The following ZNF471 variants were observed in gnomAD, a reference collection of about 807,000 sequenced individuals.
ZNF471 encodes the protein zinc finger protein 471.
In ZNF471, 7 loss-of-function variants were observed where a neutral mutation model predicts 13.7. The observed-to-expected ratio is 0.51, with a 90% CI of 0.29 to 0.96. ZNF471 has a LOEUF of 0.96. Ranked by LOEUF, ZNF471 falls within the 40% of genes least tolerant of loss-of-function variation. ZNF471 has a pLI of 0.08. For synonymous variants in ZNF471, 218 were observed against 235.6 expected (o/e 0.93, Z 0.68); for missense variants, 663 against 743.3 (o/e 0.89, Z 1.26).
rs1409714134 is a variant in ZNF471, at chr19:56,510,425, ACCT to A, written c.-55-1090_-55-1088del. ...TTATCCAAAAGGCTTTACAAATATAACCTCTGTGAGGTTGTGAAGCATGCATGT... is the reference window on the plus strand; with the variant it reads ...TTATCCAAAAGGCTTTACAAATATAACTGTGAGGTTGTGAAGCATGCATGT... On this transcript the variant is annotated intron_variant, in intron 1 of 4. Transcript: ENST00000308031. This position sits in a 1 kb window ranked among gnomAD's most constrained non-coding sequence, Gnocchi z 4.3. 9.1e-6 allele frequency: 9 copies of A among 985,524 alleles called. No homozygotes were observed. The African/African-American group carries it at 1.4e-4, about 15-fold the overall frequency. 61.0% of individuals were successfully genotyped at this position (985,524 alleles called of 1,614,324 possible).
At chr19:56,518,665 C>G in intron 4 of ZNF471, 88 bp downstream of exon 4, 1 of 1,103,010 alleles carries the variant, frequency 9.1e-7, no homozygotes, top group Non-Finnish European at 1.3e-6. Context: ...TTATGCATCT[C>G]AGAAACTCTT....
In ZNF471 at chr19:56,510,958, G is replaced by T. The variant is rs947282901; in HGVS notation, c.-55-559G>T. On this transcript the variant is annotated intron_variant, in intron 1 of 4. Coordinates refer to ENST00000308031, the MANE Select transcript of ZNF471 (RefSeq NM_020813.4). The surrounding 1 kb of genome is among the most constrained non-coding windows in gnomAD (Gnocchi z 4.3). ...AAAGTGGCAGAATTGAGTGCTAAAGGTTCCATCGTTTCAGGGTGAGGAAAG... is the reference window on the plus strand; with the variant it reads ...AAAGTGGCAGAATTGAGTGCTAAAGTTTCCATCGTTTCAGGGTGAGGAAAG... 1.7e-5 allele frequency: 17 copies of T among 985,478 alleles called. No individual in the cohort carries two copies. Among genetic ancestry groups the T allele is most frequent in the African/African-American group, 3.5e-5 (2 of 57,010 alleles). 61.0% of individuals were successfully genotyped at this position (985,478 alleles called of 1,614,324 possible).
At chr19:56,515,048 G>C (rs1218332256) in intron 2 of ZNF471, among the ~76,000 whole-genome samples, 1 of 151,710 alleles carries the variant, frequency 6.6e-6, no homozygotes, top group Non-Finnish European at 1.5e-5. Context: ...CTATCCATTG[G>C]GATTTACTTC....
rs182131987 is a variant in ZNF471 at position 56,526,019 on chromosome 19, G to A, written c.*71G>A. 5,404 of 1,417,514 alleles carry A rather than the reference G, an allele frequency of 3.8e-3. 13 individuals are homozygous for A. Among genetic ancestry groups the A allele is most frequent in the Non-Finnish European group, 4.7e-3 (5,000 of 1,057,328 alleles). The allele number at this position is 1,417,514 out of a possible 1,614,324, so 87.8% of individuals were successfully genotyped here. A position where few individuals can be genotyped will look rare whatever the true frequency, so the allele number is the denominator to read the frequency against. ...ACTGTTAATCAGAGATGTCCCACTG[G>A]ATAAAAAACATATAAATGTAAGAAA... On this transcript the variant is annotated 3_prime_UTR_variant, in exon 5 of 5. Coordinates refer to ENST00000308031, the MANE Select transcript of ZNF471 (RefSeq NM_020813.4).
rs540474427 is a variant in ZNF471, at chr19:56,508,342, A to T, written c.-56+422A>T. On this transcript the variant is annotated intron_variant, in intron 1 of 4. Coordinates refer to ENST00000308031, the MANE Select transcript of ZNF471 (RefSeq NM_020813.4). The surrounding 1 kb of genome is among the most constrained non-coding windows in gnomAD (Gnocchi z 4.7). Reference sequence around the variant, plus strand: ...TGTGAGAGACCAGTGAGTGTGAGAGAGATAGGGATGTGCCTGCATTTGAAA... The same window carrying T: ...TGTGAGAGACCAGTGAGTGTGAGAGTGATAGGGATGTGCCTGCATTTGAAA... Among the ~76,000 whole-genome samples, 2 of 151,662 alleles carry T rather than the reference A, an allele frequency of 1.3e-5. No homozygotes were observed. Among genetic ancestry groups the T allele is most frequent in the Non-Finnish European group, 2.9e-5 (2 of 67,904 alleles).
rs759338325 is a variant in ZNF471, at chr19:56,518,463, G to A, written c.161-19G>A. 4 of 1,602,036 alleles carry A rather than the reference G, an allele frequency of 2.5e-6. No individual in the cohort carries two copies. Among genetic ancestry groups the A allele is most frequent in the Non-Finnish European group, 3.4e-6 (4 of 1,172,378 alleles). ...AACCCAAAACATGACCAATTTTCAT[G>A]TCTTTTTTTTATATGTAGGTCTTTG... On this transcript the variant is annotated intron_variant, in intron 3 of 4. Coordinates refer to ENST00000308031, the MANE Select transcript of ZNF471 (RefSeq NM_020813.4).
In ZNF471 at chr19:56,510,584, G is replaced by A. The variant is rs552547529; in HGVS notation, c.-55-933G>A. 1,289 of 985,702 alleles carry A rather than the reference G, an allele frequency of 1.3e-3. 2 individuals are homozygous for A. The highest frequency in any genetic ancestry group is 1.5e-3 in the Non-Finnish European group (1,221 of 830,008). 61.1% of individuals were successfully genotyped at this position (985,702 alleles called of 1,614,324 possible). ...GTCCTCAGGCAATGGAAATGTGACT[G>A]TGTATATGTGCTTGTTTTGGGGTGC... On this transcript the variant is annotated intron_variant, in intron 1 of 4. Transcript: ENST00000308031. The surrounding 1 kb of genome is among the most constrained non-coding windows in gnomAD (Gnocchi z 4.3).
chr19:56,508,134 G>A lies in ZNF471; in HGVS notation c.-56+214G>A. 4.1e-6 allele frequency: 4 copies of A among 985,466 alleles called. No individual in the cohort carries two copies. Among genetic ancestry groups the A allele is most frequent in the Non-Finnish European group, 4.8e-6 (4 of 829,936 alleles). The allele number at this position is 985,466 out of a possible 1,614,324, so 61.0% of individuals were successfully genotyped here. A position where few individuals can be genotyped will look rare whatever the true frequency, so the allele number is the denominator to read the frequency against. ...CTGGGCGTTCGGGGCGGCTTGGGGC[G>A]GCGGGACCACTGGAGTGAGCTGTGG... is the stretch of plus-strand genomic sequence containing the variant. On this transcript the variant is annotated intron_variant, in intron 1 of 4. Coordinates refer to ENST00000308031, the MANE Select transcript of ZNF471 (RefSeq NM_020813.4). This position sits in a 1 kb window ranked among gnomAD's most constrained non-coding sequence, Gnocchi z 4.7.
rs1209470511 is a variant in ZNF471, at chr19:56,524,831, C to G, written c.764C>G (p.Thr255Arg). 3 of 1,612,746 alleles carry G rather than the reference C, an allele frequency of 1.9e-6. No homozygotes were observed. The highest frequency in any genetic ancestry group is 2.5e-6 in the Non-Finnish European group (3 of 1,179,462). ...CAACACCTTGCTCAACATCACAGAA[C>G]ACATACTGGAGAGAAACTCTTTGAA... ...QRQHLAQHHR[T>R]HTGEKLFECK... The change falls in exon 5 of 5, where the codon ACA becomes AGA. Residue 255 changes from threonine to arginine, a missense_variant. Coordinates refer to ENST00000308031, the MANE Select transcript of ZNF471 (RefSeq NM_020813.4). This position sits in a 1 kb window ranked among gnomAD's most constrained non-coding sequence, Gnocchi z 4.8.
intron 4 of ZNF471, among the ~76,000 whole-genome samples, chr19:56,519,959 C>G (rs2043946841): frequency 6.6e-6 from 1 of 152,188 alleles, no homozygotes; most frequent in African/African-American, 2.4e-5. Flanking sequence ...TCTCGTCTAG[C>G]TTTTCAGATC....
intron 4 of ZNF471, among the ~76,000 whole-genome samples, chr19:56,518,882 A>AT (rs1352329598): frequency 6.6e-6 from 1 of 152,184 alleles, no homozygotes; most frequent in African/African-American, 2.4e-5. Flanking sequence ...ATACAGACTT[A>AT]TATAAACTTC....
chr19:56,515,586 C>A (rs148123178), intron 2 of ZNF471, among the ~76,000 whole-genome samples: 4 of 152,208 alleles, frequency 2.6e-5, no homozygotes, highest in Non-Finnish European at 5.9e-5. Context: ...TGCTCATAAC[C>A]TTGTCTTTAG....
Position 56,508,013 on chromosome 19 carries a change from A to G in ZNF471, c.-56+93A>G. 1 of 985,854 alleles carries G rather than the reference A, an allele frequency of 1.0e-6. No homozygotes were observed. The allele number at this position is 985,854 out of a possible 1,614,324, so 61.1% of individuals were successfully genotyped here. ...GCTCCGACGCGGGTCGCGAAGGCCC[A>G]GCCGCGTCCTCTGTCCCCAGGACGA... is the stretch of plus-strand genomic sequence containing the variant. On this transcript the variant is annotated intron_variant, in intron 1 of 4. Transcript: ENST00000308031. This position sits in a 1 kb window ranked among gnomAD's most constrained non-coding sequence, Gnocchi z 4.7.
At position 56,525,741 on chromosome 19, in the gene ZNF471, TACTC is replaced by T; in HGVS notation, c.1676_1679del (p.Thr559AsnfsTer55). Reference sequence around the variant, plus strand: ...AAGCCTTCAGCCAAACTTCCAATCTTACTCAACATCAAAGAATTCATACTGGAGA... The same window carrying T: ...AAGCCTTCAGCCAAACTTCCAATCTTAACATCAAAGAATTCATACTGGAGA... On this transcript the variant is annotated frameshift_variant, in exon 5 of 5. Coordinates refer to ENST00000308031, the MANE Select transcript of ZNF471 (RefSeq NM_020813.4). LOFTEE classifies it low-confidence loss of function (END_TRUNC). The T allele has an allele frequency of 6.2e-7, 1 of 1,613,800 alleles. No homozygotes were observed. The highest frequency in any genetic ancestry group is 2.2e-5 in the East Asian group (1 of 44,860).
chr19:56,519,036 C>A (rs17144), intron 4 of ZNF471, among the ~76,000 whole-genome samples: 66,885 of 151,730 alleles, frequency 0.44, 14,939 homozygotes, highest in Middle Eastern at 0.51. Flanking sequence ...CTCCTTCCTA[C>A]TTCTATAACC....
intron 1 of ZNF471, chr19:56,509,781 CTG>C: frequency 2.7e-6 from 2 of 749,706 alleles, no homozygotes; most frequent in Non-Finnish European, 3.2e-6. Context: ...GGTCTTAGAA[CTG>C]TTTTGTGTTG....
Position 56,510,090 on chromosome 19 carries a change from CTCTG to C in ZNF471, c.-55-1422_-55-1419del, listed in dbSNP as rs752959569. On this transcript the variant is annotated intron_variant, in intron 1 of 4. Coordinates refer to ENST00000308031, the MANE Select transcript of ZNF471 (RefSeq NM_020813.4). This position sits in a 1 kb window ranked among gnomAD's most constrained non-coding sequence, Gnocchi z 4.3. ...GGGTATGTGAGAGACTAGAGTATGT[CTCTG>C]TCTGGACTGGTAGGTTGTGAGAGGG... 27 of 985,422 alleles carry C rather than the reference CTCTG, an allele frequency of 2.7e-5. No individual in the cohort carries two copies. Among genetic ancestry groups the C allele is most frequent in the Middle Eastern group, 5.2e-4 (1 of 1,914 alleles). 61.0% of individuals were successfully genotyped at this position (985,422 alleles called of 1,614,324 possible).
chr19:56,529,246 G>A lies in ZNF471; in HGVS notation c.*3298G>A, dbSNP rs2044082021. ...TCCATGGGTTTTTTATATTTGAAAAGTGTTTTCGATGTATCATTGGGGGAG... is the reference window on the plus strand; with the variant it reads ...TCCATGGGTTTTTTATATTTGAAAAATGTTTTCGATGTATCATTGGGGGAG... On this transcript the variant is annotated 3_prime_UTR_variant, in exon 5 of 5. Transcript: ENST00000308031. 1 of 152,230 alleles carries A rather than the reference G, an allele frequency of 6.6e-6. No individual in the cohort carries two copies. The highest frequency in any genetic ancestry group is 2.4e-5 in the African/African-American group (1 of 41,466). The allele number at this position is 152,230 out of a possible 1,614,324, so 9.4% of individuals were successfully genotyped here.
At chr19:56,515,949 C>A (rs2043881778) in intron 2 of ZNF471, among the ~76,000 whole-genome samples, 1 of 152,186 alleles carries the variant, frequency 6.6e-6, no homozygotes, top group Non-Finnish European at 1.5e-5. Context: ...AAACTTGGAT[C>A]CCATGGAGTA....
Sources: allele counts gnomAD v4.1 joint callset (sites outside exome capture counted in the v4.1 genomes callset), GRCh38; gene constraint gnomAD v4.1.1; non-coding constraint Gnocchi (gnomAD v3.1); transcripts MANE v1.5; gene names NCBI Gene and HGNC (gene_info 2026-07-23, HGNC 2026-07-21).